The following SNCAIP variants were observed in gnomAD, a reference collection of about 807,000 sequenced individuals.
SNCAIP encodes synphilin-1.
A neutral mutation model predicts 86.7 loss-of-function variants in SNCAIP; 43 were observed. That is an observed-to-expected ratio of 0.50 (90% CI 0.39 to 0.64). The LOEUF is 0.64. SNCAIP is among the 30% of genes least tolerant of loss of function. The pLI is 0.00. For missense variants in SNCAIP, 981 were observed against 1,103.1 expected, an observed-to-expected ratio of 0.89 and a Z score of 1.57; for synonymous variants, 417 against 427.2, an observed-to-expected ratio of 0.98 and a Z score of 0.29.
At chr5:122,427,627 A>G (rs1777624508) in intron 5 of SNCAIP, among the ~76,000 whole-genome samples, 1 of 152,176 alleles carries the variant, frequency 6.6e-6, no homozygotes, top group South Asian at 2.1e-4. Flanking sequence ...CATTGATGAC[A>G]TTGAGAGAGT....
intron 2 of SNCAIP, among the ~76,000 whole-genome samples, chr5:122,392,233 C>T (rs1182329082): frequency 6.6e-6 from 1 of 152,048 alleles, no homozygotes; most frequent in East Asian, 1.9e-4. Flanking sequence ...CTATTTTATA[C>T]AAACTTGGAT....
At chr5:122,436,215 AAGAG>A (rs992018334) in intron 6 of SNCAIP, among the ~76,000 whole-genome samples, 1 of 151,780 alleles carries the variant, frequency 6.6e-6, no homozygotes, top group Admixed American at 6.6e-5. Context: ...TTTTTTTAAA[AAGAG>A]AGAAAATATA....
intron 3 of SNCAIP, among the ~76,000 whole-genome samples, chr5:122,409,276 T>C (rs1773642788): frequency 6.6e-6 from 1 of 152,220 alleles, no homozygotes; most frequent in East Asian, 1.9e-4. Context: ...AATCAAAACA[T>C]ATTCAGTTTC....
At chr5:122,326,580 G>C (rs1266062034) in intron 1 of SNCAIP, among the ~76,000 whole-genome samples, 1 of 136,532 alleles carries the variant, frequency 7.3e-6, no homozygotes, top group African/African-American at 2.7e-5. Flanking sequence ...ATAGAATAGA[G>C]AGAAAGGGAA....
In SNCAIP at chr5:122,426,086, C is replaced by T. The variant is rs1160914547; in HGVS notation, c.1182+555C>T. Among the ~76,000 whole-genome samples, 3 of 152,328 alleles carry T rather than the reference C, an allele frequency of 2.0e-5. No homozygotes were observed. In the South Asian group the frequency reaches 6.2e-4, roughly 32 times the overall value. ...AATGTCGACTGGAATAGAGTTAAAA[C>T]CTAGAAACTGTGAGACAAGAAACAT... On this transcript the variant is annotated intron_variant, in intron 5 of 10. Coordinates refer to ENST00000261368, the MANE Select transcript of SNCAIP (RefSeq NM_005460.4).
At chr5:122,356,695 G>C (rs1039678850) in intron 1 of SNCAIP, among the ~76,000 whole-genome samples, 4 of 152,084 alleles carry the variant, frequency 2.6e-5, no homozygotes, top group Admixed American at 1.3e-4. Context: ...CTAACCTTGG[G>C]CTTGTCCTCA....
At chr5:122,353,745 G>T (rs1194336425) in intron 1 of SNCAIP, among the ~76,000 whole-genome samples, 2 of 152,112 alleles carry the variant, frequency 1.3e-5, no homozygotes, top group Admixed American at 6.5e-5. Flanking sequence ...ATAATTGTGA[G>T]GCCTCCCTAG....
rs769298110 is a variant in SNCAIP at position 122,444,711 on chromosome 5, A to G, written c.1571A>G (p.Lys524Arg). The change falls in exon 8 of 11, where the codon AAG (lysine) becomes AGG (arginine). Residue 524 changes from lysine to arginine, a missense_variant. Transcript: ENST00000261368. ...TCMSLASQVV[K>R]LTKQLKEQTV... ...ATGTCGCTGGCCTCTCAAGTGGTGA[A>G]GTTAACCAAGCAGCTAAAGGAGTAA... 26 of 1,613,784 alleles carry G rather than the reference A, an allele frequency of 1.6e-5. No individual in the cohort carries two copies. The highest frequency in any genetic ancestry group is 2.0e-5 in the Non-Finnish European group (24 of 1,179,862).
chr5:122,349,514 T>C (rs1214084543), intron 1 of SNCAIP, among the ~76,000 whole-genome samples: 1 of 152,252 alleles, frequency 6.6e-6, no homozygotes, highest in African/African-American at 2.4e-5. Context: ...ATTTCCCTTA[T>C]ATAAATCAAC....
chr5:122,415,863 A>T (rs1775202836), intron 3 of SNCAIP, among the ~76,000 whole-genome samples: 1 of 152,178 alleles, frequency 6.6e-6, no homozygotes, highest in African/African-American at 2.4e-5. Context: ...AGGAAAGGAA[A>T]CCTGGTAAAT....
intron 7 of SNCAIP, among the ~76,000 whole-genome samples, chr5:122,442,627 T>C (rs1484980497): frequency 1.3e-5 from 2 of 152,236 alleles, no homozygotes; most frequent in African/African-American, 4.8e-5. Context: ...GAATAAACAT[T>C]GAAAAATATG....
intron 1 of SNCAIP, chr5:122,389,902 A>C (rs547103117): frequency 6.6e-6 from 1 of 152,126 alleles, no homozygotes; most frequent in South Asian, 2.1e-4. Flanking sequence ...TTTTCTGTTT[A>C]TCATAATTAT....
intron 8 of SNCAIP, among the ~76,000 whole-genome samples, chr5:122,448,040 A>G (rs1036986837): frequency 2.0e-5 from 3 of 152,232 alleles, no homozygotes; most frequent in Non-Finnish European, 4.4e-5. Context: ...TGAGAAAAAC[A>G]AAGTGCTTGG....
intron 6 of SNCAIP, chr5:122,436,476 A>T (rs1001588774): frequency 6.6e-6 from 1 of 152,224 alleles, no homozygotes; most frequent in Non-Finnish European, 1.5e-5. Context: ...CAAAGGAATT[A>T]TTAAGGCCAT....
intron 1 of SNCAIP, among the ~76,000 whole-genome samples, chr5:122,346,094 T>C (rs962842782): frequency 1.3e-5 from 2 of 152,152 alleles, no homozygotes; most frequent in African/African-American, 2.4e-5. Context: ...AATAGACATA[T>C]TAACTTTCCA....
chr5:122,411,576 A>T (rs1774134876), intron 3 of SNCAIP, among the ~76,000 whole-genome samples: 1 of 152,172 alleles, frequency 6.6e-6, no homozygotes, highest in South Asian at 2.1e-4. Context: ...CAAAAAAAAA[A>T]GTCATAAAGT....
chr5:122,444,574 A>G lies in SNCAIP; in HGVS notation c.1434A>G (p.Glu478=), dbSNP rs1037654130. 1.2e-5 allele frequency: 19 copies of G among 1,614,140 alleles called. No homozygotes were observed. Among genetic ancestry groups the G allele is most frequent in the Non-Finnish European group, 1.6e-5 (19 of 1,179,972 alleles). ...GYLGCIQTLV[E]YGANVTMQNH... Reference sequence around the variant, plus strand: ...TCATTTTCTGACAGACCTTGGTTGAATATGGAGCAAATGTCACCATGCAGA... The same window carrying G: ...TCATTTTCTGACAGACCTTGGTTGAGTATGGAGCAAATGTCACCATGCAGA... The change falls in exon 8 of 11, where the codon GAA becomes GAG. Residue 478 remains glutamate (E), a synonymous_variant. Coordinates refer to ENST00000261368, the MANE Select transcript of SNCAIP (RefSeq NM_005460.4).
intron 1 of SNCAIP, among the ~76,000 whole-genome samples, chr5:122,390,542 C>T (rs1769131342): frequency 6.6e-6 from 1 of 152,134 alleles, no homozygotes; most frequent in African/African-American, 2.4e-5. Flanking sequence ...TTTCTTTCTT[C>T]CTTTTTGAGG....
At chr5:122,432,399 G>A (rs939848517) in intron 6 of SNCAIP, among the ~76,000 whole-genome samples, 3 of 152,012 alleles carry the variant, frequency 2.0e-5, no homozygotes, top group Non-Finnish European at 2.9e-5. Context: ...CACCAACTTT[G>A]AATTTTGGAG....
Sources: gnomAD v4.1 joint callset for allele counts (sites outside exome capture counted in the v4.1 genomes callset) on GRCh38, gnomAD v4.1.1 for gene constraint, MANE v1.5 for transcripts, NCBI Gene and HGNC (gene_info 2026-07-23, HGNC 2026-07-21) for gene names.